SFMBT1: variants seen among roughly 807,000 people sequenced by gnomAD.
The protein encoded by SFMBT1 is scm-like with four MBT domains protein 1.
In SFMBT1, 32 loss-of-function variants were observed where a neutral mutation model predicts 108.7. The ratio of observed to expected loss-of-function variants is 0.29; its 90% confidence interval spans 0.22 to 0.40. The LOEUF (loss-of-function observed/expected upper bound fraction) is 0.40. SFMBT1 is among the 10% of genes least tolerant of loss of function. SFMBT1 has a pLI of 1.00. For missense variants in SFMBT1, 816 were observed against 1,059.6 expected, an observed-to-expected ratio of 0.77 and a Z score of 3.19; for synonymous variants, 348 against 369.5, an observed-to-expected ratio of 0.94 and a Z score of 0.67.
intron 8 of SFMBT1, 50 bp downstream of exon 8, chr3:52,930,279 A>G (rs749328345): frequency 8.6e-7 from 1 of 1,163,350 alleles, no homozygotes; most frequent in East Asian, 2.3e-5. Flanking sequence ...CATTTCCTAA[A>G]CCAGTCACCT....
Position 52,906,049 on chromosome 3 carries a change from A to G in SFMBT1, c.2460+64T>C. The G allele has an allele frequency of 7.8e-6, 12 of 1,535,564 alleles. No individual in the cohort carries two copies. In the South Asian group the frequency reaches 1.2e-4, roughly 15 times the overall value. On this transcript the variant is annotated intron_variant, in intron 20 of 20. Transcript: ENST00000394752. The stretch of plus-strand genomic sequence containing the variant: ...CCTAAAACTTGTAAATAAATTGTTG[A>G]CTATTACATCCATAATTTATTGCTA...
In SFMBT1 at chr3:53,013,513, C is replaced by T. The variant is rs189323044; in HGVS notation, c.-131+32303G>A. ...TTCTAGGAAATGATTACTATATTTG[C>T]TCTTGCCAAAATGCTCTCACCATTT... On this transcript the variant is annotated intron_variant, in intron 1 of 20. Transcript: ENST00000394752. Among the ~76,000 whole-genome samples, 52 of 149,642 alleles carry T rather than the reference C, an allele frequency of 3.5e-4. 2 individuals carry two copies. Among genetic ancestry groups the T allele is most frequent in the African/African-American group, 1.2e-3 (50 of 40,200 alleles).
intron 12 of SFMBT1, 105 bp from the exon 13 acceptor site, chr3:52,918,631 G>A (rs926606926): frequency 5.2e-6 from 3 of 571,536 alleles, no homozygotes; most frequent in Non-Finnish European, 8.8e-6. Context: ...CTGGTTCTGT[G>A]TGAGTGTGTG....
At chr3:52,991,822 C>G (rs189368597) in intron 1 of SFMBT1, among the ~76,000 whole-genome samples, 1 of 152,296 alleles carries the variant, frequency 6.6e-6, no homozygotes, top group East Asian at 1.9e-4. Context: ...GGCACCTCCC[C>G]AGACACTAAA....
chr3:52,918,536 G>GA lies in SFMBT1; in HGVS notation c.1373-11dup. ...TTCCTCTGTTTATATACTGTAGAAA[G>GA]AAAAAAATATATAAATGCCAAGAAA... On this transcript the variant is annotated splice_polypyrimidine_tract_variant and intron_variant, in intron 12 of 20. Transcript: ENST00000394752. 1.3e-6 allele frequency: 2 copies of GA among 1,492,718 alleles called. No homozygotes were observed. Among genetic ancestry groups the GA allele is most frequent in the Non-Finnish European group, 1.8e-6 (2 of 1,114,252 alleles). The allele number at this position is 1,492,718 out of a possible 1,614,324, so 92.5% of individuals were successfully genotyped here. A position where few individuals can be genotyped will look rare whatever the true frequency, so the allele number is the denominator to read the frequency against.
chr3:52,965,861 C>G (rs991496061), intron 2 of SFMBT1, among the ~76,000 whole-genome samples: 24 of 149,708 alleles, frequency 1.6e-4, no homozygotes, highest in Non-Finnish European at 2.2e-4. Context: ...AAAAAATTAG[C>G]CGGGCGTGGT....
chr3:53,008,337 T>A (rs920498097), intron 1 of SFMBT1, among the ~76,000 whole-genome samples: 1 of 152,226 alleles, frequency 6.6e-6, no homozygotes, highest in Non-Finnish European at 1.5e-5. Flanking sequence ...AAGTTTTCTC[T>A]ACTGTACTTG....
At chr3:52,988,884 G>C (rs986795376) in intron 1 of SFMBT1, among the ~76,000 whole-genome samples, 2 of 152,170 alleles carry the variant, frequency 1.3e-5, no homozygotes, top group Admixed American at 6.5e-5. Flanking sequence ...CCAAAGCGCA[G>C]CAGGACACTT....
intron 1 of SFMBT1, among the ~76,000 whole-genome samples, chr3:53,015,577 C>A (rs1699098562): frequency 6.6e-6 from 1 of 152,132 alleles, no homozygotes; most frequent in Admixed American, 6.5e-5. Flanking sequence ...GTGACATAGC[C>A]ATATAGTAGA....
At chr3:52,949,568 CTTTTTTTTTTTTTTT>C (rs59842273) in intron 3 of SFMBT1, among the ~76,000 whole-genome samples, 9,867 of 77,702 alleles carry the variant, frequency 0.13, 538 homozygotes, top group Admixed American at 0.18. Flanking sequence ...TAATGTCCTT[CTTTTTTTTTTTTTTT>C]TTTTTTTTTT....
At chr3:52,964,460 G>C (rs1259381597) in intron 2 of SFMBT1, among the ~76,000 whole-genome samples, 6 of 152,316 alleles carry the variant, frequency 3.9e-5, no homozygotes, top group Admixed American at 1.3e-4. Flanking sequence ...GCTGCAGTGA[G>C]CCATGATCAT....
intron 1 of SFMBT1, among the ~76,000 whole-genome samples, chr3:52,993,439 CAGTT>C (rs1248931218): frequency 6.7e-6 from 1 of 150,240 alleles, no homozygotes; most frequent in Non-Finnish European, 1.5e-5. Flanking sequence ...ATATTCGCAG[CAGTT>C]ACTTTATAAA....
intron 1 of SFMBT1, among the ~76,000 whole-genome samples, chr3:52,980,670 A>G (rs904353918): frequency 6.6e-6 from 1 of 152,106 alleles, no homozygotes; most frequent in Non-Finnish European, 1.5e-5. Context: ...AAAAAAAAAA[A>G]AAAGCAAAGG....
At chr3:52,991,883 A>G (rs1705146374) in intron 1 of SFMBT1, among the ~76,000 whole-genome samples, 1 of 152,170 alleles carries the variant, frequency 6.6e-6, no homozygotes, top group African/African-American at 2.4e-5. Context: ...TAGTGAGAAA[A>G]TAAGTTTCTA....
chr3:52,974,392 A>G lies in SFMBT1; in HGVS notation c.-130-5134T>C, dbSNP rs138721741. ...GTGCAGTCAGTGGTAGAGTCACCTTATATTTCCTGTTCCCATTCCCCAACA... is the reference window on the plus strand; with the variant it reads ...GTGCAGTCAGTGGTAGAGTCACCTTGTATTTCCTGTTCCCATTCCCCAACA... On this transcript the variant is annotated intron_variant, in intron 1 of 20. Coordinates refer to ENST00000394752, the MANE Select transcript of SFMBT1 (RefSeq NM_016329.4). Among the ~76,000 whole-genome samples, 27 of 152,320 alleles carry G rather than the reference A, an allele frequency of 1.8e-4. No individual in the cohort carries two copies. The East Asian group carries it at 2.5e-3, about 14-fold the overall frequency.
chr3:52,984,606 T>C (rs1021834414), intron 1 of SFMBT1, among the ~76,000 whole-genome samples: 10 of 152,056 alleles, frequency 6.6e-5, no homozygotes, highest in Admixed American at 3.9e-4. Flanking sequence ...CTTTCTTTAA[T>C]GTATGTCTTT....
chr3:52,914,332 C>A (rs1221463698), intron 14 of SFMBT1, among the ~76,000 whole-genome samples: 1 of 152,206 alleles, frequency 6.6e-6, no homozygotes, highest in Non-Finnish European at 1.5e-5. Context: ...CAGAGAAGCT[C>A]TTCTAATAGA....
chr3:53,015,383 A>G (rs185078355), intron 1 of SFMBT1, among the ~76,000 whole-genome samples: 44 of 152,362 alleles, frequency 2.9e-4, no homozygotes, highest in African/African-American at 7.9e-4. Context: ...CAGTTCTTCA[A>G]AAAGTTAAAC....
chr3:52,907,096 G>T lies in SFMBT1; in HGVS notation c.2304C>A (p.Asp768Glu). The change falls in exon 19 of 21, where the codon GAC becomes GAA. Residue 768 changes from aspartate to glutamate, a missense_variant. Coordinates refer to ENST00000394752, the MANE Select transcript of SFMBT1 (RefSeq NM_016329.4). ...KRELRTFSFS[D>E]DENKPPSPKE... ...TTGGTGAAGGAGGTTTATTTTCATC[G>T]TCAGAAAATGAAAAGGTGCGAAGCT... is the stretch of plus-strand genomic sequence containing the variant. 6.2e-7 allele frequency: 1 copy of T among 1,612,802 alleles called. No homozygotes were observed. The highest frequency in any genetic ancestry group is 8.5e-7 in the Non-Finnish European group (1 of 1,179,586).
Sources: allele counts gnomAD v4.1 joint callset (sites outside exome capture counted in the v4.1 genomes callset), GRCh38; gene constraint gnomAD v4.1.1; transcripts MANE v1.5; gene names NCBI Gene and HGNC (gene_info 2026-07-23, HGNC 2026-07-21).